Variants in BABAM2 observed in about 807,000 individuals in gnomAD.
BABAM2 encodes the protein BRISC and BRCA1 A complex member 2.
BABAM2 carries 31 observed loss-of-function variants against 54.7 expected under a neutral mutation model. That is an observed-to-expected ratio of 0.57 (90% CI 0.43 to 0.77). The LOEUF is 0.77. Ranked by LOEUF, BABAM2 falls within the 30% of genes least tolerant of loss-of-function variation. BABAM2 has a pLI of 0.00. For synonymous variants in BABAM2, 167 were observed against 162.9 expected, an observed-to-expected ratio of 1.03 and a Z score of -0.19; for missense variants, 364 against 455.8, an observed-to-expected ratio of 0.80 and a Z score of 1.83.
intron 7 of BABAM2, among the ~76,000 whole-genome samples, chr2:28,215,227 G>C (rs1041928715): frequency 6.6e-6 from 1 of 152,090 alleles, no homozygotes; most frequent in African/African-American, 2.4e-5. Flanking sequence ...GTGCACTTTG[G>C]AACCAGACTT....
chr2:28,282,707 A>G (rs1686466004), intron 10 of BABAM2, among the ~76,000 whole-genome samples: 1 of 152,124 alleles, frequency 6.6e-6, no homozygotes, highest in African/African-American at 2.4e-5. Context: ...TAGCATTAAG[A>G]AAGTATTTAT....
At chr2:28,233,702 T>C (rs186261556) in intron 7 of BABAM2, among the ~76,000 whole-genome samples, 5 of 152,310 alleles carry the variant, frequency 3.3e-5, no homozygotes, top group South Asian at 4.1e-4. Flanking sequence ...GTTAAAACTA[T>C]CTTTCGTAGT....
chr2:27,977,173 TC>T (rs1422276004), intron 3 of BABAM2, among the ~76,000 whole-genome samples: 9 of 152,226 alleles, frequency 5.9e-5, no homozygotes, highest in African/African-American at 2.2e-4. Context: ...GTTGACAAGT[TC>T]CTTGACAAAC....
chr2:28,003,422 G>A (rs868772075), intron 4 of BABAM2, among the ~76,000 whole-genome samples: 1 of 152,026 alleles, frequency 6.6e-6, no homozygotes, highest in African/African-American at 2.4e-5. Flanking sequence ...GCAAAACCTT[G>A]TCACTACAAA....
intron 7 of BABAM2, among the ~76,000 whole-genome samples, chr2:28,222,471 G>A (rs1225381356): frequency 1.3e-5 from 2 of 152,188 alleles, no homozygotes; most frequent in Non-Finnish European, 2.9e-5. Context: ...GCCCATTGAT[G>A]CCATGGATGC....
At chr2:27,996,322 G>A (rs1673140970) in intron 4 of BABAM2, 2 of 154,882 alleles carry the variant, frequency 1.3e-5, no homozygotes. Flanking sequence ...CTAGTTTATG[G>A]CTTTGGTAAG....
At chr2:27,972,689 T>G (rs1671302193) in intron 3 of BABAM2, among the ~76,000 whole-genome samples, 1 of 152,070 alleles carries the variant, frequency 6.6e-6, no homozygotes, top group African/African-American at 2.4e-5. Context: ...TGATGACATG[T>G]TGAAATGGTG....
intron 4 of BABAM2, among the ~76,000 whole-genome samples, chr2:28,010,091 G>A (rs1674283082): frequency 6.6e-6 from 1 of 152,102 alleles, no homozygotes; most frequent in South Asian, 2.1e-4. Context: ...AGTAATCAAA[G>A]GGTCCTTATT....
intron 3 of BABAM2, among the ~76,000 whole-genome samples, chr2:27,968,009 G>GA (rs1670946265): frequency 6.6e-6 from 1 of 152,134 alleles, no homozygotes; most frequent in Non-Finnish European, 1.5e-5. Flanking sequence ...CAATGTGATA[G>GA]AAAAAAATCC....
At chr2:28,150,694 C>T (rs1269844857) in intron 7 of BABAM2, among the ~76,000 whole-genome samples, 2 of 152,128 alleles carry the variant, frequency 1.3e-5, no homozygotes, top group East Asian at 1.9e-4. Flanking sequence ...TAGGGAAGAG[C>T]GCCAGCCAGT....
At chr2:28,284,408 ACACT>A (rs1319198684) in intron 10 of BABAM2, among the ~76,000 whole-genome samples, 4 of 151,930 alleles carry the variant, frequency 2.6e-5, no homozygotes, top group Non-Finnish European at 4.4e-5. Flanking sequence ...AAAAAAAAAA[ACACT>A]CACAAATAAA....
chr2:28,203,628 G>T (rs1276972758), intron 7 of BABAM2, among the ~76,000 whole-genome samples: 1 of 152,162 alleles, frequency 6.6e-6, no homozygotes, highest in Non-Finnish European at 1.5e-5. Context: ...ATAGTAGGTT[G>T]TTTTGTGGCC....
At chr2:28,297,135 TAGG>T (rs1362513873) in intron 10 of BABAM2, among the ~76,000 whole-genome samples, 1 of 152,092 alleles carries the variant, frequency 6.6e-6, no homozygotes, top group African/African-American at 2.4e-5. Flanking sequence ...TCCTCTGGAG[TAGG>T]AGAAGGCAAT....
intron 6 of BABAM2, among the ~76,000 whole-genome samples, chr2:28,111,094 A>G (rs1350432703): frequency 6.8e-6 from 1 of 147,464 alleles, no homozygotes; most frequent in African/African-American, 2.5e-5. Flanking sequence ...TCAGCCTCCC[A>G]AGTATCTGGG....
chr2:27,925,808 C>G (rs957099499), intron 2 of BABAM2, among the ~76,000 whole-genome samples: 6 of 152,202 alleles, frequency 3.9e-5, no homozygotes, highest in African/African-American at 7.2e-5. Flanking sequence ...CATTCTTGCT[C>G]TCATGCGCCT....
intron 2 of BABAM2, among the ~76,000 whole-genome samples, chr2:27,903,305 C>T (rs568817431): frequency 6.6e-6 from 1 of 152,170 alleles, no homozygotes; most frequent in African/African-American, 2.4e-5. Context: ...CAAATTCCCC[C>T]CTTCCATCTT....
intron 6 of BABAM2, among the ~76,000 whole-genome samples, chr2:28,084,446 G>A (rs1201770347): frequency 6.6e-6 from 1 of 152,160 alleles, no homozygotes; most frequent in East Asian, 1.9e-4. Flanking sequence ...CACTTTGTGT[G>A]TGTGTATGGA....
At chr2:28,327,512 T>G in intron 11 of BABAM2, 4 of 1,464,710 alleles carry the variant, frequency 2.7e-6, no homozygotes, top group Non-Finnish European at 3.7e-6. Context: ...CTTTGATGTC[T>G]AGAAATGGAT....
At chr2:28,278,068 G>T (rs561452363) in intron 10 of BABAM2, among the ~76,000 whole-genome samples, 1 of 152,242 alleles carries the variant, frequency 6.6e-6, no homozygotes, top group South Asian at 2.1e-4. Flanking sequence ...CCAAATATTG[G>T]GAATAATTCA....
Sources: allele counts gnomAD v4.1 joint callset (sites outside exome capture counted in the v4.1 genomes callset), GRCh38; gene constraint gnomAD v4.1.1; transcripts MANE v1.5; gene names NCBI Gene and HGNC (gene_info 2026-07-23, HGNC 2026-07-21).